CDH18: variants seen among roughly 807,000 people sequenced by gnomAD.
The protein encoded by CDH18 is cadherin-18.
A neutral mutation model predicts 67.9 loss-of-function variants in CDH18; 31 were observed. The observed-to-expected ratio is 0.46, with a 90% CI of 0.34 to 0.62. The LOEUF is 0.62. CDH18 is among the 20% of genes least tolerant of loss of function. The pLI, the probability that CDH18 is intolerant of heterozygous loss-of-function variation, is 0.01. For missense variants in CDH18, 890 were observed against 975.5 expected (o/e 0.91, Z 1.17); for synonymous variants, 362 against 347.2 (o/e 1.04, Z -0.48).
intron 1 of CDH18, among the ~76,000 whole-genome samples, chr5:20,409,666 T>C (rs1746599993): frequency 6.6e-6 from 1 of 150,406 alleles, no homozygotes; most frequent in Non-Finnish European, 1.5e-5. Context: ...AGAGCAGAAA[T>C]AAAGCCAATA....
chr5:19,560,210 G>T (rs927458738), intron 8 of CDH18, among the ~76,000 whole-genome samples: 1 of 151,726 alleles, frequency 6.6e-6, no homozygotes, highest in African/African-American at 2.4e-5. Context: ...GCCAAAGCAA[G>T]ACTAAGCAAA....
At chr5:19,695,411 C>G (rs1487547330) in intron 5 of CDH18, among the ~76,000 whole-genome samples, 1 of 152,102 alleles carries the variant, frequency 6.6e-6, no homozygotes, top group Admixed American at 6.6e-5. Context: ...CAACTTGCTA[C>G]CCAGAAAGGG....
chr5:20,144,703 C>T (rs1403650800), intron 2 of CDH18, among the ~76,000 whole-genome samples: 1 of 151,986 alleles, frequency 6.6e-6, no homozygotes, highest in African/African-American at 2.4e-5. Context: ...TGAATTCTGT[C>T]CCGCAAAAAT....
intron 2 of CDH18, among the ~76,000 whole-genome samples, chr5:20,036,026 T>A (rs924407643): frequency 1.3e-5 from 2 of 152,028 alleles, no homozygotes; most frequent in Non-Finnish European, 2.9e-5. Context: ...AGTTATTGTA[T>A]AATAAGTCAA....
At chr5:19,771,782 T>G (rs886131799) in intron 3 of CDH18, among the ~76,000 whole-genome samples, 15 of 152,212 alleles carry the variant, frequency 9.9e-5, no homozygotes, top group South Asian at 6.2e-4. Flanking sequence ...TATACATTTA[T>G]AGGCCAAACG....
chr5:20,570,854 T>C (rs1758774650), intron 1 of CDH18, among the ~76,000 whole-genome samples: 1 of 152,132 alleles, frequency 6.6e-6, no homozygotes, highest in Admixed American at 6.5e-5. Flanking sequence ...TACACACACA[T>C]TCTCATCCAA....
chr5:19,967,758 G>A (rs1394673658), intron 2 of CDH18, among the ~76,000 whole-genome samples: 2 of 150,768 alleles, frequency 1.3e-5, no homozygotes. Context: ...AAAACTGGAA[G>A]CATTCCTTTT....
intron 1 of CDH18, among the ~76,000 whole-genome samples, chr5:20,423,177 A>T (rs554368767): frequency 6.6e-6 from 1 of 151,386 alleles, no homozygotes; most frequent in Non-Finnish European, 1.5e-5. Context: ...CAGCTCTGGC[A>T]ATCCAGCAAG....
chr5:19,915,454 G>T (rs748408517), intron 2 of CDH18, among the ~76,000 whole-genome samples: 4 of 152,050 alleles, frequency 2.6e-5, no homozygotes, highest in Admixed American at 6.6e-5. Flanking sequence ...TTGACTGGAA[G>T]CCTTCCTGAT....
At chr5:19,994,075 G>T (rs2150389406) in intron 2 of CDH18, among the ~76,000 whole-genome samples, 1 of 152,132 alleles carries the variant, frequency 6.6e-6, no homozygotes, top group Non-Finnish European at 1.5e-5. Flanking sequence ...TGTATTCTTT[G>T]TTCTGAATCT....
At chr5:20,454,757 A>G (rs1750715908) in intron 1 of CDH18, among the ~76,000 whole-genome samples, 1 of 152,044 alleles carries the variant, frequency 6.6e-6, no homozygotes, top group Non-Finnish European at 1.5e-5. Flanking sequence ...TTCTGTGTGC[A>G]CACATGGGAG....
At chr5:20,372,225 TATA>T (rs1159273757) in intron 1 of CDH18, among the ~76,000 whole-genome samples, 1 of 152,346 alleles carries the variant, frequency 6.6e-6, no homozygotes, top group African/African-American at 2.4e-5. Context: ...TTTAAATTGC[TATA>T]ATATTTTAGT....
chr5:20,193,058 T>C (rs10062303), intron 2 of CDH18, among the ~76,000 whole-genome samples: 2,441 of 152,164 alleles, frequency 0.016, 73 homozygotes, highest in African/African-American at 0.056. Flanking sequence ...CTTGAAGAGG[T>C]CATTCACATC....
At chr5:20,305,094 G>T in intron 1 of CDH18, 1 of 1,568,758 alleles carries the variant, frequency 6.4e-7, no homozygotes, top group Admixed American at 1.7e-5. Flanking sequence ...AGGCGGTAGG[G>T]CCATTTGCAG....
intron 3 of CDH18, among the ~76,000 whole-genome samples, chr5:19,827,122 A>G (rs183327235): frequency 5.1e-4 from 77 of 152,292 alleles, no homozygotes; most frequent in Non-Finnish European, 9.3e-4. Context: ...AATGAACAAA[A>G]AAGGCAAAAA....
chr5:20,296,527 C>A (rs1028000386), intron 1 of CDH18, among the ~76,000 whole-genome samples: 1 of 152,108 alleles, frequency 6.6e-6, no homozygotes, highest in Non-Finnish European at 1.5e-5. Flanking sequence ...TCCCAAAGTG[C>A]TGGGATTACA....
At chr5:20,268,122 CAT>C (rs1256991994) in intron 1 of CDH18, among the ~76,000 whole-genome samples, 3 of 152,218 alleles carry the variant, frequency 2.0e-5, no homozygotes, top group Non-Finnish European at 4.4e-5. Flanking sequence ...CTGCAAATGA[CAT>C]GATTTCACTT....
At chr5:19,848,948 C>T (rs62352163) in intron 2 of CDH18, among the ~76,000 whole-genome samples, 43,125 of 149,184 alleles carry the variant, frequency 0.29, 7,547 homozygotes, top group South Asian at 0.39. Context: ...TGTATATATA[C>T]ACACACACAC....
chr5:19,721,517 A>T, intron 4 of CDH18, 51 bp from the exon 5 acceptor site: 1 of 1,562,632 alleles, frequency 6.4e-7, no homozygotes, highest in South Asian at 1.2e-5. Flanking sequence ...TTAGCATATG[A>T]TTAATTTGAA....
Sources: allele counts gnomAD v4.1 joint callset (sites outside exome capture counted in the v4.1 genomes callset), GRCh38; gene constraint gnomAD v4.1.1; transcripts MANE v1.5; gene names NCBI Gene and HGNC (gene_info 2026-07-23, HGNC 2026-07-21).